Variants in NET1 observed in about 807,000 individuals in gnomAD.
NET1 encodes the protein neuroepithelial cell-transforming gene 1 protein.
Under a neutral mutation model 61.1 loss-of-function variants are expected in NET1, and 42 were observed. That is an observed-to-expected ratio of 0.69 (90% CI 0.54 to 0.89). NET1 has a LOEUF of 0.89. NET1 is among the 40% of genes least tolerant of loss of function. The pLI is 0.00. For synonymous variants in NET1, 254 were observed against 281.8 expected (o/e 0.90, Z 0.99); for missense variants, 654 against 747.3 (o/e 0.88, Z 1.46).
chr10:5,438,028 G>A (rs185651460), intron 3 of NET1, among the ~76,000 whole-genome samples: 1 of 152,144 alleles, frequency 6.6e-6, no homozygotes, highest in East Asian at 1.9e-4. Flanking sequence ...AATCACAAAG[G>A]AAATTAGAAA....
Position 5,446,961 on chromosome 10 carries a change from A to C in NET1, c.256-4869A>C, listed in dbSNP as rs1352633146. ...TTAACAGTATAATTTTAAACTTTTG[A>C]TCTTATTATTACAATGTATGTTCTT... On this transcript the variant is annotated intron_variant, in intron 3 of 11. Transcript: ENST00000355029. This position sits in a 1 kb window ranked among gnomAD's most constrained non-coding sequence, Gnocchi z 5.0. 2.4e-6 allele frequency: 2 copies of C among 832,970 alleles called. No homozygotes were observed. Among genetic ancestry groups the C allele is most frequent in the Non-Finnish European group, 1.8e-6 (1 of 565,032 alleles). 51.6% of individuals were successfully genotyped at this position (832,970 alleles called of 1,614,324 possible). A position where few individuals can be genotyped will look rare whatever the true frequency, so the allele number is the denominator to read the frequency against.
At chr10:5,433,518 A>G (rs1212829971) in intron 3 of NET1, among the ~76,000 whole-genome samples, 1 of 152,180 alleles carries the variant, frequency 6.6e-6, no homozygotes, top group African/African-American at 2.4e-5. Flanking sequence ...GTATTCCCCA[A>G]GTACTTGCAT....
Position 5,412,675 on chromosome 10 carries a change from C to T in NET1, c.-18C>T, listed in dbSNP as rs576200765. ...TCTCCCGGGCACCCGGCCACCGCCCCACCCCCTCCTCCGTGCCATGGAGCC... is the reference window on the plus strand; with the variant it reads ...TCTCCCGGGCACCCGGCCACCGCCCTACCCCCTCCTCCGTGCCATGGAGCC... On this transcript the variant is annotated 5_prime_UTR_variant, in exon 1 of 12. Transcript: ENST00000355029. This position sits in a 1 kb window ranked among gnomAD's most constrained non-coding sequence, Gnocchi z 6.5. 6.8e-6 allele frequency: 10 copies of T among 1,462,296 alleles called. No homozygotes were observed. Among genetic ancestry groups the T allele is most frequent in the East Asian group, 6.0e-5 (2 of 33,466 alleles). 90.6% of individuals were successfully genotyped at this position (1,462,296 alleles called of 1,614,324 possible).
rs1300210520 is a variant in NET1 at position 5,447,263 on chromosome 10, G to C, written c.256-4567G>C. On this transcript the variant is annotated intron_variant, in intron 3 of 11. Transcript: ENST00000355029. This position sits in a 1 kb window ranked among gnomAD's most constrained non-coding sequence, Gnocchi z 4.1. Reference sequence around the variant, plus strand: ...TGCTAGTGAACAAATTGCAACTAAAGTTTAGTCTGACCTGGTGTGCATTTT... The same window carrying C: ...TGCTAGTGAACAAATTGCAACTAAACTTTAGTCTGACCTGGTGTGCATTTT... Among the ~76,000 whole-genome samples, 1 of 152,120 alleles carries C rather than the reference G, an allele frequency of 6.6e-6. No individual in the cohort carries two copies. The highest frequency in any genetic ancestry group is 1.9e-4 in the East Asian group (1 of 5,192).
rs1832268625 is a variant in NET1, at chr10:5,427,007, A to G, written c.195+286A>G. Among the ~76,000 whole-genome samples the G allele has an allele frequency of 6.6e-6, 1 of 152,142 alleles. No individual in the cohort carries two copies. Among genetic ancestry groups the G allele is most frequent in the Non-Finnish European group, 1.5e-5 (1 of 67,996 alleles). ...TCCTTTCAATGTTAAATCTGATAAT[A>G]TATTATGAAACATGAAATTATTTTT... is the stretch of plus-strand genomic sequence containing the variant. On this transcript the variant is annotated intron_variant, in intron 2 of 11. Transcript: ENST00000355029. The surrounding 1 kb of genome is among the most constrained non-coding windows in gnomAD (Gnocchi z 4.1).
In NET1 at chr10:5,444,677, T is replaced by G. The variant is rs1306391712; in HGVS notation, c.256-7153T>G. On this transcript the variant is annotated intron_variant, in intron 3 of 11. Transcript: ENST00000355029. The surrounding 1 kb of genome is among the most constrained non-coding windows in gnomAD (Gnocchi z 5.3). The stretch of plus-strand genomic sequence containing the variant: ...CCTCCAAAGTTAGATCCTTGGACCA[T>G]GTTCTTTTTGTCCAAATTTTCTCTC... Among the ~76,000 whole-genome samples, 2 of 152,250 alleles carry G rather than the reference T, an allele frequency of 1.3e-5. No individual in the cohort carries two copies. Among genetic ancestry groups the G allele is most frequent in the Non-Finnish European group, 2.9e-5 (2 of 68,038 alleles).
rs1274784684 is a variant in NET1, at chr10:5,428,490, G to A, written c.196-680G>A. On this transcript the variant is annotated intron_variant, in intron 2 of 11. Coordinates refer to ENST00000355029, the MANE Select transcript of NET1 (RefSeq NM_001047160.3). Reference sequence around the variant, plus strand: ...ACCTTGCCCCCAAGATAAATAATGTGTTCCTTTTCAAAAAAAAAAAACTAG... The same window carrying A: ...ACCTTGCCCCCAAGATAAATAATGTATTCCTTTTCAAAAAAAAAAAACTAG... 2.5e-4 allele frequency among the ~76,000 whole-genome samples: 9 copies of A among 35,542 alleles called. No homozygotes were observed. The Admixed American group carries it at 3.7e-3, about 14-fold the overall frequency. 23.3% of individuals were successfully genotyped at this position (35,542 alleles called of 152,430 possible). A position where few individuals can be genotyped will look rare whatever the true frequency, so the allele number is the denominator to read the frequency against.
At position 5,454,653 on chromosome 10, in the gene NET1, G is replaced by A. The variant is rs751237001; in HGVS notation, c.1026+131G>A. The A allele has an allele frequency of 4.6e-5, 49 of 1,072,354 alleles. No homozygotes were observed. Among genetic ancestry groups the A allele is most frequent in the African/African-American group, 1.4e-4 (9 of 62,750 alleles). The allele number at this position is 1,072,354 out of a possible 1,614,324, so 66.4% of individuals were successfully genotyped here. A position where few individuals can be genotyped will look rare whatever the true frequency, so the allele number is the denominator to read the frequency against. The stretch of plus-strand genomic sequence containing the variant: ...TTTTGTTGTTTTAAGTACCCAGTGC[G>A]TTAGTACGCTGTGCACTAAGCAATA... On this transcript the variant is annotated intron_variant, in intron 9 of 11. Transcript: ENST00000355029. The surrounding 1 kb of genome is among the most constrained non-coding windows in gnomAD (Gnocchi z 8.1).
At chr10:5,438,676 T>A (rs1832476170) in intron 3 of NET1, among the ~76,000 whole-genome samples, 1 of 152,242 alleles carries the variant, frequency 6.6e-6, no homozygotes, top group Admixed American at 6.5e-5. Context: ...AGAATTAACA[T>A]TAATCCTTCT....
At chr10:5,445,079 T>A (rs1832585071) in intron 3 of NET1, among the ~76,000 whole-genome samples, 1 of 152,238 alleles carries the variant, frequency 6.6e-6, no homozygotes, top group Non-Finnish European at 1.5e-5. Flanking sequence ...TCAACCATCT[T>A]AAACACCAGT....
rs1487640534 is a variant in NET1 at position 5,449,921 on chromosome 10, C to A, written c.256-1909C>A. Among the ~76,000 whole-genome samples, 1 of 152,194 alleles carries A rather than the reference C, an allele frequency of 6.6e-6. No homozygotes were observed. Among genetic ancestry groups the A allele is most frequent in the African/African-American group, 2.4e-5 (1 of 41,454 alleles). On this transcript the variant is annotated intron_variant, in intron 3 of 11. Coordinates refer to ENST00000355029, the MANE Select transcript of NET1 (RefSeq NM_001047160.3). This position sits in a 1 kb window ranked among gnomAD's most constrained non-coding sequence, Gnocchi z 4.4. ...TCTGTTCCCAAAAAGCGGAACAGAA[C>A]TTTCTGACAACTGCTTTGTTCCAGT...
rs2119219706 is a variant in NET1, at chr10:5,456,774, G to A, written c.1571G>A (p.Gly524Glu). The change falls in exon 12 of 12, where the codon GGG becomes GAG. Residue 524 changes from glycine to glutamate, a missense_variant. By Grantham distance (98) the Gly-to-Glu change is moderately conservative. Transcript: ENST00000355029. The surrounding 1 kb of genome is among the most constrained non-coding windows in gnomAD (Gnocchi z 7.0). ...GLPELHEECE[G>E]NHPSARKLTA... ...CCGGAGCTGCACGAAGAGTGTGAGG[G>A]GAACCACCCCTCTGCGAGGAAACTC... The A allele has an allele frequency of 6.2e-7, 1 of 1,613,526 alleles. No homozygotes were observed. Among genetic ancestry groups the A allele is most frequent in the East Asian group, 2.2e-5 (1 of 44,874 alleles).
chr10:5,412,816 G>C lies in NET1; in HGVS notation c.124G>C (p.Gly42Arg). The C allele has an allele frequency of 2.1e-6, 3 of 1,424,492 alleles. No homozygotes were observed. The highest frequency in any genetic ancestry group is 2.7e-6 in the Non-Finnish European group (3 of 1,092,608). The allele number at this position is 1,424,492 out of a possible 1,614,324, so 88.2% of individuals were successfully genotyped here. Residue 42 changes from glycine to arginine, a missense_variant, in exon 1 of 12, where the codon GGG becomes CGG. Physicochemically the swap from Gly to Arg is moderately radical, Grantham distance 125. Coordinates refer to ENST00000355029, the MANE Select transcript of NET1 (RefSeq NM_001047160.3). This position sits in a 1 kb window ranked among gnomAD's most constrained non-coding sequence, Gnocchi z 6.5. ...CGACACCTCCGGGTCGGAGCTGGAC[G>C]GGAGGTGAGTGTGGGGGAGGGGAGG... ...SADTSGSELD[G>R]RCSLRRGSSF...
Position 5,417,618 on chromosome 10 carries a change from A to C in NET1, c.128+4798A>C, listed in dbSNP as rs927182454. 2.6e-5 allele frequency among the ~76,000 whole-genome samples: 4 copies of C among 152,130 alleles called. No homozygotes were observed. Among genetic ancestry groups the C allele is most frequent in the Non-Finnish European group, 5.9e-5 (4 of 68,016 alleles). ...GTGTACAGGGTCATGTCATCAGCAA[A>C]TAAAAATAGTTTTACTTCTTTTTCC... On this transcript the variant is annotated intron_variant, in intron 1 of 11. Transcript: ENST00000355029. This position sits in a 1 kb window ranked among gnomAD's most constrained non-coding sequence, Gnocchi z 5.5.
At chr10:5,433,228 C>G (rs1008304207) in intron 3 of NET1, among the ~76,000 whole-genome samples, 1 of 152,160 alleles carries the variant, frequency 6.6e-6, no homozygotes, top group Admixed American at 6.5e-5. Context: ...CACCAGTCCT[C>G]ATGTTGAGTC....
rs1832269248 is a variant in NET1, at chr10:5,427,060, G to A, written c.195+339G>A. ...ACATCCTCTACTGCCTTTTTTTCTT[G>A]GTTGAAAATATAAAAATGCTTGATT... On this transcript the variant is annotated intron_variant, in intron 2 of 11. Coordinates refer to ENST00000355029, the MANE Select transcript of NET1 (RefSeq NM_001047160.3). The surrounding 1 kb of genome is among the most constrained non-coding windows in gnomAD (Gnocchi z 4.1). Among the ~76,000 whole-genome samples the A allele has an allele frequency of 6.6e-6, 1 of 150,696 alleles. No individual in the cohort carries two copies. Among genetic ancestry groups the A allele is most frequent in the South Asian group, 2.1e-4 (1 of 4,778 alleles).
At chr10:5,436,248 A>ATATT (rs1564462826) in intron 3 of NET1, among the ~76,000 whole-genome samples, 13 of 18,422 alleles carry the variant, frequency 7.1e-4, no homozygotes, top group Admixed American at 2.1e-3. Flanking sequence ...ATATATATAT[A>ATATT]TTTTTTTTTT....
In NET1 at chr10:5,454,334, A is replaced by G. The variant is rs1832761491; in HGVS notation, c.838A>G (p.Lys280Glu). The G allele has an allele frequency of 1.2e-6, 2 of 1,614,194 alleles. No individual in the cohort carries two copies. Among genetic ancestry groups the G allele is most frequent in the Non-Finnish European group, 1.7e-6 (2 of 1,180,030 alleles). ...GGCAGCCAAAGCTCTTCTTGATCAAAAGAAACAGGATCCAAGAGTCCAAGA... is the reference window on the plus strand; with the variant it reads ...GGCAGCCAAAGCTCTTCTTGATCAAGAGAAACAGGATCCAAGAGTCCAAGA... ...QLAAKALLDQ[K>E]KQDPRVQDFL... Residue 280 changes from lysine (K) to glutamate (E), a missense_variant, in exon 9 of 12, where the codon AAG becomes GAG. By Grantham distance (56) the Lys-to-Glu change is moderately conservative. Coordinates refer to ENST00000355029, the MANE Select transcript of NET1 (RefSeq NM_001047160.3). This position sits in a 1 kb window ranked among gnomAD's most constrained non-coding sequence, Gnocchi z 8.1.
At chr10:5,432,289 ACTTAAT>A (rs1832360853) in intron 3 of NET1, among the ~76,000 whole-genome samples, 1 of 152,250 alleles carries the variant, frequency 6.6e-6, no homozygotes, top group Non-Finnish European at 1.5e-5. Context: ...AAGGGATTTA[ACTTAAT>A]CTTATCAGTC....
Sources: allele counts gnomAD v4.1 joint callset (sites outside exome capture counted in the v4.1 genomes callset), GRCh38; gene constraint gnomAD v4.1.1; non-coding constraint Gnocchi (gnomAD v3.1); transcripts MANE v1.5; gene names NCBI Gene and HGNC (gene_info 2026-07-23, HGNC 2026-07-21).